The following IMMP2L variants were observed in gnomAD, a reference collection of about 807,000 sequenced individuals.
IMMP2L encodes inner mitochondrial membrane peptidase subunit 2, also known as mitochondrial inner membrane protease subunit 2.
Under a neutral mutation model 19.3 loss-of-function variants are expected in IMMP2L, and 18 were observed. The observed-to-expected ratio is 0.93, with a 90% CI of 0.64 to 1.38. IMMP2L has a LOEUF of 1.38. IMMP2L is among the 40% of genes most tolerant of loss of function. The probability of loss-of-function intolerance (pLI) is 0.00; values close to 1 mark genes in which losing one functional copy is unlikely to be tolerated. For synonymous variants in IMMP2L, 76 were observed against 73.0 expected (o/e 1.04, Z -0.21); for missense variants, 233 against 218.2 (o/e 1.07, Z -0.43).
chr7:110,867,961 T>C (rs1481255361), intron 5 of IMMP2L, among the ~76,000 whole-genome samples: 1 of 151,970 alleles, frequency 6.6e-6, no homozygotes, highest in African/African-American at 2.4e-5. Context: ...GAGGTCCCCA[T>C]AGGTCTTTAG....
intron 4 of IMMP2L, among the ~76,000 whole-genome samples, chr7:110,959,565 G>A (rs548927675): frequency 4.1e-4 from 63 of 151,818 alleles, no homozygotes; most frequent in Non-Finnish European, 7.5e-4. Flanking sequence ...GGATCTTCAG[G>A]TGCCAAAGTT....
chr7:110,788,708 T>C lies in IMMP2L; in HGVS notation c.408+97885A>G, dbSNP rs181271170. Reference sequence around the variant, plus strand: ...AAATCGAATTAATTTTGCGCTCCGATGCACACCTGCTATTCTCACAGCCTT... The same window carrying C: ...AAATCGAATTAATTTTGCGCTCCGACGCACACCTGCTATTCTCACAGCCTT... On this transcript the variant is annotated intron_variant, in intron 5 of 5. Coordinates refer to ENST00000405709, the MANE Select transcript of IMMP2L (RefSeq NM_032549.4). Among the ~76,000 whole-genome samples the C allele has an allele frequency of 5.3e-4, 80 of 151,826 alleles. 1 individual carries two copies. The highest frequency in any genetic ancestry group is 1.9e-3 in the African/African-American group (77 of 41,228).
At chr7:110,729,942 T>A (rs191852931) in intron 5 of IMMP2L, among the ~76,000 whole-genome samples, 20,090 of 151,518 alleles carry the variant, frequency 0.13, 3,090 homozygotes, top group African/African-American at 0.38. Context: ...TTTTTTTTTT[T>A]TTAAAAAGCA....
chr7:111,177,007 C>T (rs1023285129), intron 3 of IMMP2L, among the ~76,000 whole-genome samples: 1 of 151,854 alleles, frequency 6.6e-6, no homozygotes, highest in Non-Finnish European at 1.5e-5. Flanking sequence ...GAATACCAGT[C>T]CTCAAGTTTA....
chr7:111,315,695 A>C (rs12534671), intron 3 of IMMP2L, among the ~76,000 whole-genome samples: 44 of 152,124 alleles, frequency 2.9e-4, no homozygotes, highest in African/African-American at 1.1e-3. Context: ...CCATTTAAGC[A>C]AACAACACAC....
At chr7:111,249,514 C>T (rs1815816448) in intron 3 of IMMP2L, among the ~76,000 whole-genome samples, 1 of 152,032 alleles carries the variant, frequency 6.6e-6, no homozygotes, top group Admixed American at 6.6e-5. Context: ...TAGACCGGAG[C>T]TGTTCCTATT....
intron 3 of IMMP2L, 21 bp from the exon 4 acceptor site, chr7:110,963,586 T>C: frequency 6.9e-7 from 1 of 1,442,342 alleles, no homozygotes; most frequent in Non-Finnish European, 9.7e-7. Flanking sequence ...AAGATAACAT[T>C]ATACAATCAG....
intron 3 of IMMP2L, among the ~76,000 whole-genome samples, chr7:111,217,077 A>ATC (rs372527019): frequency 2.9e-5 from 4 of 135,896 alleles, no homozygotes; most frequent in South Asian, 2.3e-4. Context: ...TCATCTTCTG[A>ATC]TCTCTCTCTC....
chr7:110,833,208 G>A (rs34515977), intron 5 of IMMP2L, among the ~76,000 whole-genome samples: 35,597 of 152,034 alleles, frequency 0.23, 5,045 homozygotes, highest in East Asian at 0.42. Flanking sequence ...GGAGGCTGAG[G>A]CAGGCAGATT....
chr7:110,796,203 C>T (rs1267534125), intron 5 of IMMP2L, among the ~76,000 whole-genome samples: 1 of 152,044 alleles, frequency 6.6e-6, no homozygotes, highest in Non-Finnish European at 1.5e-5. Context: ...AATTACACCT[C>T]TTTCCTTTAT....
chr7:111,383,567 T>C (rs575074771), intron 3 of IMMP2L, among the ~76,000 whole-genome samples: 4 of 152,232 alleles, frequency 2.6e-5, no homozygotes, highest in African/African-American at 7.2e-5. Flanking sequence ...AAGTCAGACA[T>C]TGAGGGCTAT....
chr7:110,700,370 C>CTTTCAATGG (rs780421023), intron 5 of IMMP2L, among the ~76,000 whole-genome samples: 30,446 of 152,046 alleles, frequency 0.2, 3,429 homozygotes, highest in Non-Finnish European at 0.26. Flanking sequence ...TTTCAAAGCA[C>CTTTCAATGG]CACTACTTGC....
chr7:111,025,071 C>A (rs573139722), intron 3 of IMMP2L, among the ~76,000 whole-genome samples: 1 of 152,260 alleles, frequency 6.6e-6, no homozygotes, highest in South Asian at 2.1e-4. Context: ...TTCCTTCCTT[C>A]ACCTACTCCC....
At chr7:111,379,189 T>C (rs1830967984) in intron 3 of IMMP2L, among the ~76,000 whole-genome samples, 1 of 146,766 alleles carries the variant, frequency 6.8e-6, no homozygotes, top group African/African-American at 2.5e-5. Context: ...ATTGAAAACT[T>C]CAAGTAACCC....
At chr7:110,705,629 A>C (rs1456722608) in intron 5 of IMMP2L, among the ~76,000 whole-genome samples, 1 of 151,944 alleles carries the variant, frequency 6.6e-6, no homozygotes, top group Non-Finnish European at 1.5e-5. Context: ...TGCTTCTTAC[A>C]TGGGTGTATT....
At chr7:111,147,841 G>A (rs1803644459) in intron 3 of IMMP2L, among the ~76,000 whole-genome samples, 1 of 152,092 alleles carries the variant, frequency 6.6e-6, no homozygotes, top group African/African-American at 2.4e-5. Flanking sequence ...TTAAACAAAT[G>A]CTTGCAATGT....
chr7:110,777,274 C>T (rs1029242362), intron 5 of IMMP2L, among the ~76,000 whole-genome samples: 1 of 152,040 alleles, frequency 6.6e-6, no homozygotes, highest in Admixed American at 6.6e-5. Flanking sequence ...CTGGAAAACA[C>T]AGGCAATAAC....
At chr7:111,189,841 GA>G (rs1808681138) in intron 3 of IMMP2L, among the ~76,000 whole-genome samples, 1 of 152,084 alleles carries the variant, frequency 6.6e-6, no homozygotes, top group Admixed American at 6.6e-5. Flanking sequence ...TCTTTAAGAG[GA>G]AAGATTCCTT....
At chr7:111,492,090 C>T (rs1036897679) in intron 2 of IMMP2L, among the ~76,000 whole-genome samples, 15 of 151,974 alleles carry the variant, frequency 9.9e-5, no homozygotes, top group Admixed American at 5.9e-4. Flanking sequence ...ATTATAATCA[C>T]TCCCTTGTCT....
Sources: allele counts gnomAD v4.1 joint callset (sites outside exome capture counted in the v4.1 genomes callset), GRCh38; gene constraint gnomAD v4.1.1; transcripts MANE v1.5; gene names NCBI Gene and HGNC (gene_info 2026-07-23, HGNC 2026-07-21).